MYH14: variants seen among roughly 807,000 people sequenced by gnomAD.
MYH14 encodes the protein myosin heavy chain 14.
A neutral mutation model predicts 255.5 loss-of-function variants in MYH14; 123 were observed. The ratio of observed to expected loss-of-function variants is 0.48; its 90% CI spans 0.42 to 0.56. The LOEUF is 0.56. MYH14 is among the 20% of genes least tolerant of loss of function. The pLI is 0.00. For missense variants in MYH14, 2,423 were observed against 2,802.3 expected (o/e 0.86, Z 3.06); for synonymous variants, 1,095 against 1,161.2 (o/e 0.94, Z 1.16).
chr19:50,290,730 G>C (rs932097418), intron 35 of MYH14, among the ~76,000 whole-genome samples, 157 bp from the exon 36 acceptor site: 1 of 152,180 alleles, frequency 6.6e-6, no homozygotes, highest in African/African-American at 2.4e-5. Flanking sequence ...TGGGGCAGTA[G>C]GGATAGAGAG....
In MYH14 at chr19:50,250,529, A is replaced by AC; in HGVS notation, c.1672dup (p.Leu558ProfsTer7). ...TCAATGGCCAGGCCAACCCCCCTGG[A>AC]CTCCTGGCCCTGCTGGATGAGGAGT... On this transcript the variant is annotated frameshift_variant, in exon 15 of 43. Transcript: ENST00000642316. LOFTEE classifies it high-confidence loss of function. The surrounding 1 kb of genome is among the most constrained non-coding windows in gnomAD (Gnocchi z 5.4). The AC allele has an allele frequency of 6.2e-7, 1 of 1,613,188 alleles. No homozygotes were observed. The highest frequency in any genetic ancestry group is 8.5e-7 in the Non-Finnish European group (1 of 1,179,680).
At chr19:50,289,671 AG>A in intron 35 of MYH14, 23 bp downstream of exon 35, 1 of 1,587,668 alleles carries the variant, frequency 6.3e-7, no homozygotes, top group Non-Finnish European at 8.6e-7. Flanking sequence ...AGAAGGCCAC[AG>A]GGTGCCAGTC....
At chr19:50,215,766 C>T (rs2032443381) in intron 2 of MYH14, among the ~76,000 whole-genome samples, 1 of 152,134 alleles carries the variant, frequency 6.6e-6, no homozygotes. Context: ...CTGCAGTGAG[C>T]TGTGTTCATG....
chr19:50,242,295 A>C (rs1232418249), intron 10 of MYH14, among the ~76,000 whole-genome samples: 4 of 152,228 alleles, frequency 2.6e-5, no homozygotes, highest in African/African-American at 9.6e-5. Context: ...TGTATTAGTC[A>C]TGCTGCTGAT....
At chr19:50,249,459 G>T in intron 13 of MYH14, 191 bp from the exon 14 acceptor site, 1 of 647,482 alleles carries the variant, frequency 1.5e-6, no homozygotes. Flanking sequence ...CTGGGTCTCT[G>T]TCCCCTGTCT....
intron 40 of MYH14, among the ~76,000 whole-genome samples, chr19:50,304,659 A>G (rs1480311644): frequency 2.0e-5 from 3 of 152,156 alleles, no homozygotes; most frequent in Admixed American, 6.5e-5. Flanking sequence ...GTACCATGGA[A>G]GTATGTCTAA....
rs1905942719 is a variant in MYH14 at position 50,293,135 on chromosome 19, A to T, written c.5257-98A>T. The T allele has an allele frequency of 1.2e-6, 1 of 850,976 alleles. No homozygotes were observed. The highest frequency in any genetic ancestry group is 1.7e-5 in the African/African-American group (1 of 59,372). 52.7% of individuals were successfully genotyped at this position (850,976 alleles called of 1,614,324 possible). On this transcript the variant is annotated intron_variant, in intron 37 of 42. Coordinates refer to ENST00000642316, the MANE Select transcript of MYH14 (RefSeq NM_001145809.2). The surrounding 1 kb of genome is among the most constrained non-coding windows in gnomAD (Gnocchi z 4.1). ...TTACCCAGGGACAGCATGAGAAAAA[A>T]GCCAAGAGCCTTGAGGTGTGAGGGA...
chr19:50,306,956 C>T lies in MYH14; in HGVS notation c.5679-93C>T, dbSNP rs2036672614. The T allele has an allele frequency of 7.5e-6, 7 of 934,820 alleles. No homozygotes were observed. The South Asian group carries it at 8.4e-5, about 11-fold the overall frequency. 57.9% of individuals were successfully genotyped at this position (934,820 alleles called of 1,614,324 possible). ...TTAGGAAAGAGGGAAGAAGCCAATC[C>T]AAGAACAAGGTGACAGCCACTGCAT... On this transcript the variant is annotated intron_variant, in intron 40 of 42. Coordinates refer to ENST00000642316, the MANE Select transcript of MYH14 (RefSeq NM_001145809.2).
intron 30 of MYH14, among the ~76,000 whole-genome samples, chr19:50,279,588 G>T (rs933056807): frequency 6.6e-6 from 1 of 152,218 alleles, no homozygotes; most frequent in Non-Finnish European, 1.5e-5. Flanking sequence ...AGCCGAGATT[G>T]CACCATTGCG....
rs772432946 is a variant in MYH14, at chr19:50,252,628, A to G, written c.1831-11A>G. The G allele has an allele frequency of 1.9e-6, 3 of 1,562,032 alleles. No homozygotes were observed. Among genetic ancestry groups the G allele is most frequent in the Middle Eastern group, 1.7e-4 (1 of 6,008 alleles). On this transcript the variant is annotated splice_polypyrimidine_tract_variant and intron_variant, in intron 15 of 42. Coordinates refer to ENST00000642316, the MANE Select transcript of MYH14 (RefSeq NM_001145809.2). The surrounding 1 kb of genome is among the most constrained non-coding windows in gnomAD (Gnocchi z 4.2). ...GCAAGTCATCGCCCTCCTCTACCTG[A>G]CTTCATTCAGGTCGACTACAAGGCC... is the stretch of plus-strand genomic sequence containing the variant.
intron 27 of MYH14, among the ~76,000 whole-genome samples, chr19:50,274,333 C>T (rs1326060468): frequency 5.9e-5 from 9 of 151,822 alleles, no homozygotes. Flanking sequence ...CTTGCCCTGT[C>T]GCCCAGGCTG....
rs58683800 is a variant in MYH14, at chr19:50,251,468, TACACATATATATATAC to T, written c.1830+817_1830+832del. Among the ~76,000 whole-genome samples, 590 of 145,752 alleles carry T rather than the reference TACACATATATATATAC, an allele frequency of 4.0e-3. 4 individuals carry two copies. The highest frequency in any genetic ancestry group is 0.01 in the African/African-American group (413 of 39,578). ...TGAAGGTTCTATTCCTATATATATA[TACACATATATATATAC>T]ACACATATATATATACACACATATA... On this transcript the variant is annotated intron_variant, in intron 15 of 42. Transcript: ENST00000642316.
intron 10 of MYH14, among the ~76,000 whole-genome samples, chr19:50,236,572 G>A (rs1405299765): frequency 6.6e-6 from 1 of 151,990 alleles, no homozygotes; most frequent in African/African-American, 2.4e-5. Context: ...GCTGGGCGTG[G>A]TGGCACATGC....
chr19:50,280,521 CCCCTTA>C lies in MYH14; in HGVS notation c.4290+142_4290+147del, dbSNP rs1397501501. On this transcript the variant is annotated intron_variant, in intron 32 of 42. Coordinates refer to ENST00000642316, the MANE Select transcript of MYH14 (RefSeq NM_001145809.2). The surrounding 1 kb of genome is among the most constrained non-coding windows in gnomAD (Gnocchi z 4.8). The stretch of plus-strand genomic sequence containing the variant: ...TGGGTGCCTTTCTCATCTCTGACTC[CCCCTTA>C]CCCCCCACAGCCCATGCCCAGCCCT... The C allele has an allele frequency of 2.2e-6, 2 of 896,696 alleles. No individual in the cohort carries two copies. Among genetic ancestry groups the C allele is most frequent in the Non-Finnish European group, 3.3e-6 (2 of 607,728 alleles). The allele number at this position is 896,696 out of a possible 1,614,324, so 55.5% of individuals were successfully genotyped here.
At chr19:50,218,671 T>G (rs2032631062) in intron 3 of MYH14, among the ~76,000 whole-genome samples, 1 of 151,996 alleles carries the variant, frequency 6.6e-6, no homozygotes, top group Non-Finnish European at 1.5e-5. Context: ...ATGGAAAAGT[T>G]CTTTGGTGGC....
intron 30 of MYH14, among the ~76,000 whole-genome samples, chr19:50,279,797 C>T (rs1300046796): frequency 6.6e-6 from 1 of 152,236 alleles, no homozygotes; most frequent in Non-Finnish European, 1.5e-5. Flanking sequence ...CCACTGAGAA[C>T]ATTCCGGTAC....
chr19:50,223,307 C>T lies in MYH14; in HGVS notation c.651C>T (p.His217=), dbSNP rs779573887. ...AGAAGGTCATCCAGTACCTCGCCCA[C>T]GTGGCGTCGTCTCCAAAGGGCAGGA... The part of the protein sequence containing the change: ...NTKKVIQYLA[H]VASSPKGRKE... Residue 217 remains histidine, a synonymous_variant, in exon 5 of 43, where the codon CAC becomes CAT. Coordinates refer to ENST00000642316, the MANE Select transcript of MYH14 (RefSeq NM_001145809.2). 1.9e-5 allele frequency: 30 copies of T among 1,598,952 alleles called. No homozygotes were observed. The highest frequency in any genetic ancestry group is 5.3e-5 in the Admixed American group (3 of 56,778).
rs755809721 is a variant in MYH14 at position 50,309,853 on chromosome 19, C to T, written c.*63C>T. On this transcript the variant is annotated 3_prime_UTR_variant, in exon 43 of 43. Coordinates refer to ENST00000642316, the MANE Select transcript of MYH14 (RefSeq NM_001145809.2). The stretch of plus-strand genomic sequence containing the variant: ...CAGCCCCCTTCCTCCCTGGACCCCA[C>T]GGGCCCCTGTCCCAGGAACCCCGCC... 9.2e-6 allele frequency: 14 copies of T among 1,514,594 alleles called. No individual in the cohort carries two copies. Among genetic ancestry groups the T allele is most frequent in the East Asian group, 2.5e-5 (1 of 40,774 alleles). 93.8% of individuals were successfully genotyped at this position (1,514,594 alleles called of 1,614,324 possible).
intron 24 of MYH14, among the ~76,000 whole-genome samples, chr19:50,269,850 A>G (rs901723818): frequency 2.0e-5 from 3 of 152,148 alleles, no homozygotes; most frequent in Middle Eastern, 3.2e-3. Flanking sequence ...GACCTTATCT[A>G]TGGGAGCAGA....
Sources: allele counts gnomAD v4.1 joint callset (sites outside exome capture counted in the v4.1 genomes callset), GRCh38; gene constraint gnomAD v4.1.1; non-coding constraint Gnocchi (gnomAD v3.1); transcripts MANE v1.5; gene names NCBI Gene and HGNC (gene_info 2026-07-23, HGNC 2026-07-21).